The following PTPRQ variants were observed in gnomAD, a reference collection of about 807,000 sequenced individuals.
The protein encoded by PTPRQ is protein tyrosine phosphatase receptor type Q.
Under a neutral mutation model 246.0 loss-of-function variants are expected in PTPRQ, and 199 were observed. The ratio of observed to expected loss-of-function variants is 0.81; its 90% CI spans 0.72 to 0.91. The LOEUF (loss-of-function observed/expected upper bound fraction) is 0.91, where lower values mean the gene tolerates loss of function less well. PTPRQ is among the 40% of genes least tolerant of loss of function. PTPRQ has a pLI of 0.00. For missense variants in PTPRQ, 2,624 were observed against 2,528.4 expected (o/e 1.04, Z -0.81); for synonymous variants, 869 against 853.2 (o/e 1.02, Z -0.32).
intron 25 of PTPRQ, among the ~76,000 whole-genome samples, chr12:80,579,428 C>A (rs1029069630): frequency 2.0e-5 from 3 of 152,162 alleles, no homozygotes; most frequent in Non-Finnish European, 4.4e-5. Context: ...CGTACTCAAC[C>A]CACTGAATCC....
chr12:80,547,866 T>C (rs547316125), intron 24 of PTPRQ, among the ~76,000 whole-genome samples: 2 of 152,230 alleles, frequency 1.3e-5, no homozygotes, highest in Non-Finnish European at 2.9e-5. Flanking sequence ...TGAATATTAC[T>C]GTTGCCCCCA....
intron 26 of PTPRQ, among the ~76,000 whole-genome samples, chr12:80,591,035 A>G (rs1012038502): frequency 4.0e-5 from 6 of 151,106 alleles, no homozygotes; most frequent in Admixed American, 4.0e-4. Context: ...CAGTAATCTT[A>G]TATAATATCA....
intron 17 of PTPRQ, among the ~76,000 whole-genome samples, chr12:80,533,596 C>T (rs6539523): frequency 0.02 from 2,998 of 151,618 alleles, 98 homozygotes; most frequent in African/African-American, 0.067. Context: ...TACTTTTGTA[C>T]GATATTTGAA....
intron 25 of PTPRQ, among the ~76,000 whole-genome samples, chr12:80,552,363 G>T (rs1299488064): frequency 6.6e-6 from 1 of 151,884 alleles, no homozygotes; most frequent in East Asian, 1.9e-4. Context: ...TTGGGCAGGA[G>T]CTGAGTCTTT....
At position 80,484,590 on chromosome 12, in the gene PTPRQ, C is replaced by T; in HGVS notation, c.1344C>T (p.Leu448=). ...GAATAATTTTGGAAAATACTTTGCT[C>T]ACTGGAAATAATGAGGTATTGCATT... ...ETGIILENTL[L]TGNNEYINDP... is the part of the protein sequence containing the mutation. The change falls in exon 9 of 45, where the codon CTC becomes CTT. Residue 448 remains leucine, a synonymous_variant. Transcript: ENST00000644991. 6.4e-7 allele frequency: 1 copy of T among 1,550,462 alleles called. No individual in the cohort carries two copies. The highest frequency in any genetic ancestry group is 8.7e-7 in the Non-Finnish European group (1 of 1,146,606).
intron 8 of PTPRQ, among the ~76,000 whole-genome samples, chr12:80,479,214 C>T (rs1299664216): frequency 6.7e-6 from 1 of 149,042 alleles, no homozygotes; most frequent in African/African-American, 2.5e-5. Context: ...AGAGTGGGGG[C>T]CAATATTCAA....
Position 80,668,736 on chromosome 12 carries a change from C to G in PTPRQ, c.6193-271C>G, listed in dbSNP as rs2246361. On this transcript the variant is annotated intron_variant, in intron 39 of 44. Coordinates refer to ENST00000644991, the MANE Select transcript of PTPRQ (RefSeq NM_001145026.2). Reference sequence around the variant, plus strand: ...TCAGACTTAAGACCTTTATTAAGTTCTGTTATTATTGTAAATATTATTATG... The same window carrying G: ...TCAGACTTAAGACCTTTATTAAGTTGTGTTATTATTGTAAATATTATTATG... Among the ~76,000 whole-genome samples the G allele has an allele frequency of 0.024, 3,588 of 151,848 alleles. 124 individuals are homozygous for G. Among genetic ancestry groups the G allele is most frequent in the African/African-American group, 0.078 (3,243 of 41,432 alleles).
intron 9 of PTPRQ, among the ~76,000 whole-genome samples, chr12:80,486,057 AC>A (rs1894266307): frequency 6.6e-6 from 1 of 152,126 alleles, no homozygotes; most frequent in Admixed American, 6.5e-5. Flanking sequence ...GCCATTACTA[AC>A]TGTTTAACCC....
intron 25 of PTPRQ, among the ~76,000 whole-genome samples, chr12:80,572,855 A>G (rs1292278346): frequency 3.3e-5 from 5 of 152,162 alleles, no homozygotes; most frequent in Admixed American, 2.6e-4. Flanking sequence ...GATAAAACAC[A>G]CTTGATCAGA....
intron 33 of PTPRQ, among the ~76,000 whole-genome samples, chr12:80,624,422 T>C (rs770697107): frequency 1.3e-5 from 2 of 152,194 alleles, no homozygotes; most frequent in Non-Finnish European, 2.9e-5. Flanking sequence ...AGCAGCTTTG[T>C]TAATTGGCCT....
Position 80,496,265 on chromosome 12 carries a change from C to T in PTPRQ, c.2006C>T (p.Pro669Leu). Residue 669 changes from proline to leucine, a missense_variant, in exon 14 of 45, where the codon CCT becomes CTT. Pro to Leu is a moderately conservative substitution (Grantham distance 98, BLOSUM62 -3). Coordinates refer to ENST00000644991, the MANE Select transcript of PTPRQ (RefSeq NM_001145026.2). ...RTSEDEPESS[P>L]QDVEVIDVTA... is the part of the protein sequence containing the mutation. ...CTTCCCCTAGAACCGGAATCATCAC[C>T]TCAAGATGTCGAAGTAATTGATGTT... 1 of 1,550,328 alleles carries T rather than the reference C, an allele frequency of 6.5e-7. No homozygotes were observed. The highest frequency in any genetic ancestry group is 8.7e-7 in the Non-Finnish European group (1 of 1,146,372).
chr12:80,618,311 T>C (rs1340424118), intron 30 of PTPRQ, among the ~76,000 whole-genome samples: 1 of 150,800 alleles, frequency 6.6e-6, no homozygotes, highest in Non-Finnish European at 1.5e-5. Flanking sequence ...CTTAAAAATA[T>C]GGAAATTGAA....
chr12:80,467,684 A>C (rs1459998609), intron 6 of PTPRQ, among the ~76,000 whole-genome samples: 1 of 151,996 alleles, frequency 6.6e-6, no homozygotes. Flanking sequence ...GCCATAAAAA[A>C]TGATGAGTTC....
intron 9 of PTPRQ, among the ~76,000 whole-genome samples, chr12:80,490,482 G>A (rs976119747): frequency 6.6e-6 from 1 of 151,842 alleles, no homozygotes; most frequent in Non-Finnish European, 1.5e-5. Flanking sequence ...AGAATTCCTG[G>A]GCAGCATAGG....
intron 23 of PTPRQ, among the ~76,000 whole-genome samples, chr12:80,544,089 C>T (rs1041150522): frequency 6.6e-6 from 1 of 152,114 alleles, no homozygotes; most frequent in African/African-American, 2.4e-5. Context: ...CATAGGCTCT[C>T]TTAGCATAGC....
chr12:80,634,270 G>A (rs562636341), intron 34 of PTPRQ, among the ~76,000 whole-genome samples: 2 of 152,196 alleles, frequency 1.3e-5, no homozygotes, highest in Admixed American at 1.3e-4. Context: ...TATTTGAAAT[G>A]TGAAAGATAG....
intron 9 of PTPRQ, among the ~76,000 whole-genome samples, chr12:80,491,251 T>C (rs1317478975): frequency 6.6e-6 from 1 of 151,990 alleles, no homozygotes; most frequent in Non-Finnish European, 1.5e-5. Context: ...TTCTTTGTGC[T>C]ACCTCACTAT....
chr12:80,673,932 C>T (rs1430025312), intron 43 of PTPRQ, among the ~76,000 whole-genome samples: 1 of 152,090 alleles, frequency 6.6e-6, no homozygotes, highest in Non-Finnish European at 1.5e-5. Context: ...AGGAGCTATA[C>T]TAGACCCTTC....
chr12:80,456,399 A>G (rs757419751), intron 3 of PTPRQ, among the ~76,000 whole-genome samples: 3 of 152,222 alleles, frequency 2.0e-5, no homozygotes, highest in Non-Finnish European at 4.4e-5. Context: ...AGCTTAAAGA[A>G]TAGGCAACCT....
Sources: allele counts gnomAD v4.1 joint callset (sites outside exome capture counted in the v4.1 genomes callset), GRCh38; gene constraint gnomAD v4.1.1; transcripts MANE v1.5; gene names NCBI Gene and HGNC (gene_info 2026-07-23, HGNC 2026-07-21).